Variants in ABCC11 observed in about 807,000 individuals in gnomAD.
ABCC11 encodes the protein ATP-binding cassette sub-family C member 11.
In ABCC11, 135 loss-of-function variants were observed where a neutral mutation model predicts 149.3. The ratio of observed to expected loss-of-function variants is 0.90; its 90% CI spans 0.79 to 1.04. The LOEUF (loss-of-function observed/expected upper bound fraction) is 1.04. Ranked by LOEUF, ABCC11 falls within the 50% of genes least tolerant of loss-of-function variation. ABCC11 has a pLI of 0.00. For missense variants in ABCC11, 1,680 were observed against 1,722.1 expected (o/e 0.98, Z 0.43); for synonymous variants, 665 against 671.4 (o/e 0.99, Z 0.15).
rs748928050 is a variant in ABCC11, at chr16:48,187,523, C to T, written c.2707-96G>A. 3.5e-4 allele frequency: 377 copies of T among 1,075,722 alleles called. 2 individuals are homozygous for T. The highest frequency in any genetic ancestry group is 4.7e-4 in the Non-Finnish European group (347 of 731,252). The allele number at this position is 1,075,722 out of a possible 1,614,324, so 66.6% of individuals were successfully genotyped here. ...TGTTACCCTTGACTCTAAAGAGCCA[C>T]GGATCCCAGGGGTCTCCAGGGCAGG... is the stretch of plus-strand genomic sequence containing the variant. On this transcript the variant is annotated intron_variant, in intron 20 of 29. Transcript: ENST00000356608.
At chr16:48,245,810 T>G (rs1971343704) in intron 1 of ABCC11, among the ~76,000 whole-genome samples, 2 of 152,156 alleles carry the variant, frequency 1.3e-5, no homozygotes, top group African/African-American at 2.4e-5. Flanking sequence ...TTATATGTGG[T>G]CCACATTATA....
At position 48,200,348 on chromosome 16, in the gene ABCC11, C is replaced by G; in HGVS notation, c.2010G>C (p.Lys670Asn). 6.2e-7 allele frequency: 1 copy of G among 1,614,276 alleles called. No individual in the cohort carries two copies. The highest frequency in any genetic ancestry group is 1.1e-5 in the South Asian group (1 of 91,086). ...TCTTAATGCACTCCTCAAAAATGTG[C>G]TTCCCCACGTGGGCGTCCACAGCAG... ...PLSAVDAHVG[K>N]HIFEECIKKT... The change falls in exon 15 of 30, where the codon AAG (lysine) becomes AAC (asparagine). Residue 670 changes from lysine to asparagine, a missense_variant. Physicochemically the swap from Lys to Asn is moderately conservative, Grantham distance 94 (BLOSUM62 0). Coordinates refer to ENST00000356608, the MANE Select transcript of ABCC11 (RefSeq NM_001370497.1).
chr16:48,188,960 C>A (rs1459672381), intron 20 of ABCC11, among the ~76,000 whole-genome samples: 2 of 152,200 alleles, frequency 1.3e-5, no homozygotes, highest in Non-Finnish European at 2.9e-5. Flanking sequence ...ATGAAGTGTT[C>A]TCTGTAGCTG....
At chr16:48,233,217 C>G (rs1306315247) in intron 1 of ABCC11, among the ~76,000 whole-genome samples, 1 of 152,116 alleles carries the variant, frequency 6.6e-6, no homozygotes, top group Non-Finnish European at 1.5e-5. Context: ...CAAAACAAAA[C>G]AAACATTCAA....
chr16:48,173,815 G>T (rs1259654609), intron 26 of ABCC11, among the ~76,000 whole-genome samples: 1 of 126,742 alleles, frequency 7.9e-6, no homozygotes, highest in Non-Finnish European at 1.7e-5. Context: ...AGCAGAGACA[G>T]GGTTTTGTCA....
At chr16:48,178,549 GC>G in intron 24 of ABCC11, 47 bp downstream of exon 24, 1 of 1,579,062 alleles carries the variant, frequency 6.3e-7, no homozygotes, top group Non-Finnish European at 8.7e-7. Flanking sequence ...CAGAAGTCAT[GC>G]CCCAACTTGC....
chr16:48,215,106 A>G (rs1969232017), intron 8 of ABCC11, 77 bp from the exon 9 acceptor site: 1 of 1,583,488 alleles, frequency 6.3e-7, no homozygotes, highest in Non-Finnish European at 8.6e-7. Flanking sequence ...TCCCCAAAGC[A>G]TTAAAAAGAA....
At position 48,231,721 on chromosome 16, in the gene ABCC11, G is replaced by A. The variant is rs1225087795; in HGVS notation, c.99+102C>T. On this transcript the variant is annotated intron_variant, in intron 2 of 29. Coordinates refer to ENST00000356608, the MANE Select transcript of ABCC11 (RefSeq NM_001370497.1). The stretch of plus-strand genomic sequence containing the variant: ...AAGAGAAAAGAAAAAAAATTCAAGG[G>A]TAAATAAGTATGGGAAGAAATTGTT... 2.0e-6 allele frequency: 3 copies of A among 1,483,940 alleles called. No homozygotes were observed. The Admixed American group carries it at 6.8e-5, about 34-fold the overall frequency. The allele number at this position is 1,483,940 out of a possible 1,614,324, so 91.9% of individuals were successfully genotyped here. A position where few individuals can be genotyped will look rare whatever the true frequency, so the allele number is the denominator to read the frequency against.
At chr16:48,195,422 C>T (rs1224212848) in intron 18 of ABCC11, among the ~76,000 whole-genome samples, 2 of 152,162 alleles carry the variant, frequency 1.3e-5, no homozygotes, top group South Asian at 2.1e-4. Context: ...GTGGGGACGG[C>T]GTTCTGTGTG....
chr16:48,214,094 G>A (rs575884439), intron 9 of ABCC11, among the ~76,000 whole-genome samples: 11 of 152,130 alleles, frequency 7.2e-5, no homozygotes, highest in Admixed American at 4.6e-4. Flanking sequence ...TGGAGGTGCC[G>A]AAAGAACCTT....
chr16:48,209,918 T>G (rs1212045709), intron 11 of ABCC11: 1 of 152,152 alleles, frequency 6.6e-6, no homozygotes, highest in Non-Finnish European at 1.5e-5. Flanking sequence ...AAGGCGAAAG[T>G]GGGAGCAGAG....
chr16:48,184,073 T>A (rs919044587), intron 23 of ABCC11, among the ~76,000 whole-genome samples: 1 of 152,154 alleles, frequency 6.6e-6, no homozygotes, highest in African/African-American at 2.4e-5. Flanking sequence ...AGCCAAGAGA[T>A]CAGTGTTCTC....
Position 48,193,908 on chromosome 16 carries a change from G to A in ABCC11, c.2479C>T (p.Leu827=). Residue 827 remains leucine, a synonymous_variant, in exon 19 of 30, where the codon CTG becomes TTG. Transcript: ENST00000356608. The part of the protein sequence containing the change: ...VFLTIFSFWW[L]SYWLEQGSGT... ...GAGCCCTGCTCCAACCAGTAGCTCA[G>A]CCACCAGAAGCTGAAGATCGTTAAG... 1 of 1,613,992 alleles carries A rather than the reference G, an allele frequency of 6.2e-7. No individual in the cohort carries two copies. The highest frequency in any genetic ancestry group is 8.5e-7 in the Non-Finnish European group (1 of 1,179,910).
chr16:48,237,586 T>G (rs1970748680), intron 1 of ABCC11, among the ~76,000 whole-genome samples: 1 of 152,220 alleles, frequency 6.6e-6, no homozygotes, highest in East Asian at 1.9e-4. Flanking sequence ...AATTAACTTT[T>G]GAAAATATAA....
intron 9 of ABCC11, among the ~76,000 whole-genome samples, chr16:48,213,782 T>C (rs1200070880): frequency 6.6e-6 from 1 of 152,194 alleles, no homozygotes; most frequent in Non-Finnish European, 1.5e-5. Flanking sequence ...CTGACATCTC[T>C]AGCTTTGGGC....
intron 1 of ABCC11, chr16:48,244,262 G>A (rs1373058845): frequency 7.5e-6 from 5 of 664,242 alleles, no homozygotes; most frequent in Non-Finnish European, 1.2e-5. Context: ...GCCCGGGGAC[G>A]GACCGTAGCG....
rs757983517 is a variant in ABCC11, at chr16:48,187,360, C to T, written c.2774G>A (p.Gly925Glu). Residue 925 changes from glycine to glutamate, a missense_variant, in exon 21 of 30, where the codon GGG (glycine) becomes GAG (glutamate). Coordinates refer to ENST00000356608, the MANE Select transcript of ABCC11 (RefSeq NM_001370497.1). ...GAGCTGGTCCAGCTGTTCCAAGTCC[C>T]CTGCGAAGCAGTTCAAAAGCCGGCC... ...PIGRLLNCFAGDLEQLDQLLP... is the reference protein window; with the variant it reads ...PIGRLLNCFAEDLEQLDQLLP... 1.2e-6 allele frequency: 2 copies of T among 1,614,036 alleles called. No individual in the cohort carries two copies. Among genetic ancestry groups the T allele is most frequent in the South Asian group, 2.2e-5 (2 of 91,080 alleles).
chr16:48,175,184 TATA>T, intron 26 of ABCC11, 71 bp downstream of exon 26: 1 of 1,542,014 alleles, frequency 6.5e-7, no homozygotes, highest in Non-Finnish European at 8.8e-7. Context: ...ACCAGCTCAC[TATA>T]GGCAGCCCGG....
At chr16:48,178,393 T>C (rs1038803006) in intron 24 of ABCC11, among the ~76,000 whole-genome samples, 1 of 152,040 alleles carries the variant, frequency 6.6e-6, no homozygotes, top group African/African-American at 2.4e-5. Flanking sequence ...CTGTGAGGGA[T>C]GTGGTCAAAG....
Sources: allele counts gnomAD v4.1 joint callset (sites outside exome capture counted in the v4.1 genomes callset), GRCh38; gene constraint gnomAD v4.1.1; transcripts MANE v1.5; gene names NCBI Gene and HGNC (gene_info 2026-07-23, HGNC 2026-07-21).